The following IRAK2 variants were observed in gnomAD, a reference collection of about 807,000 sequenced individuals.
The protein encoded by IRAK2 is interleukin-1 receptor-associated kinase-like 2.
A neutral mutation model predicts 72.0 loss-of-function variants in IRAK2; 57 were observed. The observed-to-expected ratio is 0.79, with a 90% CI of 0.64 to 0.99. The LOEUF is 0.99. Among genes scored for constraint, IRAK2 ranks in the 50% least tolerant of loss-of-function variants. The pLI is 0.00. For synonymous variants in IRAK2, 293 were observed against 312.7 expected (o/e 0.94, Z 0.67); for missense variants, 790 against 794.4 (o/e 0.99, Z 0.07).
chr3:10,213,692 C>T, intron 6 of IRAK2, 144 bp downstream of exon 6: 1 of 652,986 alleles, frequency 1.5e-6, no homozygotes. Flanking sequence ...ACTATTATCA[C>T]ATTATTTTAC....
intron 1 of IRAK2, among the ~76,000 whole-genome samples, chr3:10,165,532 G>A: frequency 6.6e-6 from 1 of 152,006 alleles, no homozygotes; most frequent in Non-Finnish European, 1.5e-5. Context: ...TTTCGCTGTT[G>A]TTGCCCAGGC....
intron 11 of IRAK2, 24 bp from the exon 12 acceptor site, chr3:10,238,724 T>A: frequency 6.2e-7 from 1 of 1,605,900 alleles, no homozygotes; most frequent in Non-Finnish European, 8.5e-7. Flanking sequence ...CCTGATGAGC[T>A]CCCTTCTCTC....
chr3:10,221,248 A>ATTT (rs34742796), intron 8 of IRAK2, among the ~76,000 whole-genome samples: 986 of 89,706 alleles, frequency 0.011, 19 homozygotes, highest in African/African-American at 0.03. Flanking sequence ...AAAAAAAAAA[A>ATTT]TTTTTTTTTT....
At chr3:10,166,864 G>A (rs536145430) in intron 1 of IRAK2, among the ~76,000 whole-genome samples, 13 of 152,112 alleles carry the variant, frequency 8.5e-5, no homozygotes, top group Non-Finnish European at 1.3e-4. Flanking sequence ...GGCTGGTCTC[G>A]AACTCCTGAC....
At chr3:10,184,723 G>GTTTTTTTTTT (rs55839723) in intron 2 of IRAK2, among the ~76,000 whole-genome samples, 8 of 102,022 alleles carry the variant, frequency 7.8e-5, no homozygotes, top group South Asian at 8.1e-4. Flanking sequence ...GTTTTTGTGT[G>GTTTTTTTTTT]TTTTTTTTTT....
At chr3:10,199,221 T>G (rs1697316649) in intron 2 of IRAK2, among the ~76,000 whole-genome samples, 1 of 152,090 alleles carries the variant, frequency 6.6e-6, no homozygotes, top group Admixed American at 6.6e-5. Flanking sequence ...AGAGCAGCTC[T>G]GAGAAGCTGG....
At chr3:10,186,643 G>A (rs1365269690) in intron 2 of IRAK2, among the ~76,000 whole-genome samples, 1 of 151,614 alleles carries the variant, frequency 6.6e-6, no homozygotes, top group African/African-American at 2.4e-5. Context: ...TCAGAAAGGT[G>A]GAGCAGAGAT....
intron 2 of IRAK2, among the ~76,000 whole-genome samples, chr3:10,182,975 T>C (rs1339399463): frequency 2.0e-5 from 3 of 152,134 alleles, no homozygotes; most frequent in Non-Finnish European, 4.4e-5. Flanking sequence ...TTTCACCATG[T>C]TGGCCAGGCT....
intron 11 of IRAK2, 141 bp from the exon 12 acceptor site, chr3:10,238,607 G>A: frequency 5.2e-6 from 4 of 773,106 alleles, no homozygotes; most frequent in Non-Finnish European, 6.2e-6. Flanking sequence ...TCAAAGGAAG[G>A]GTGTGGTTTT....
intron 10 of IRAK2, among the ~76,000 whole-genome samples, chr3:10,233,970 C>G (rs1332569085): frequency 6.6e-6 from 1 of 152,030 alleles, no homozygotes; most frequent in Non-Finnish European, 1.5e-5. Context: ...TCAAGCAATT[C>G]CTCTGCCTCA....
intron 4 of IRAK2, among the ~76,000 whole-genome samples, chr3:10,209,901 A>G (rs1337103565): frequency 1.3e-5 from 2 of 151,936 alleles, no homozygotes; most frequent in Non-Finnish European, 2.9e-5. Context: ...CAGTGAATAT[A>G]CTTCTTGTTT....
chr3:10,189,051 T>C (rs1409097390), intron 2 of IRAK2, among the ~76,000 whole-genome samples: 1 of 152,216 alleles, frequency 6.6e-6, no homozygotes, highest in African/African-American at 2.4e-5. Context: ...TCATGGAGCT[T>C]ACAGTCCAGT....
At chr3:10,210,029 C>T (rs1444194275) in intron 4 of IRAK2, among the ~76,000 whole-genome samples, 1 of 152,166 alleles carries the variant, frequency 6.6e-6, no homozygotes, top group Non-Finnish European at 1.5e-5. Context: ...AAGTGATTCT[C>T]CTGCCTCAGC....
intron 10 of IRAK2, among the ~76,000 whole-genome samples, chr3:10,229,883 T>G (rs1205907907): frequency 6.6e-6 from 1 of 152,084 alleles, no homozygotes; most frequent in African/African-American, 2.4e-5. Flanking sequence ...GGTGGATCAC[T>G]TGAGTTCAGG....
intron 2 of IRAK2, among the ~76,000 whole-genome samples, chr3:10,192,249 C>T (rs776907286): frequency 2.0e-5 from 3 of 152,188 alleles, no homozygotes; most frequent in Non-Finnish European, 2.9e-5. Context: ...ATGAGTCAGC[C>T]TAAGAACAAA....
intron 4 of IRAK2, among the ~76,000 whole-genome samples, chr3:10,210,005 C>T (rs1335080001): frequency 6.6e-6 from 1 of 152,074 alleles, no homozygotes; most frequent in Non-Finnish European, 1.5e-5. Context: ...CTGCAACCTC[C>T]GCTTCCCGGG....
At chr3:10,191,409 G>A (rs1250956619) in intron 2 of IRAK2, among the ~76,000 whole-genome samples, 1 of 152,168 alleles carries the variant, frequency 6.6e-6, no homozygotes, top group East Asian at 1.9e-4. Context: ...CTCAGCTACA[G>A]GTTACCTCAG....
intron 10 of IRAK2, among the ~76,000 whole-genome samples, chr3:10,229,344 G>T (rs952787044): frequency 1.3e-5 from 2 of 152,160 alleles, no homozygotes; most frequent in African/African-American, 4.8e-5. Flanking sequence ...CGAATGCCTG[G>T]GCTCAAGCGA....
chr3:10,199,930 C>T (rs1317374895), intron 2 of IRAK2, among the ~76,000 whole-genome samples: 1 of 146,148 alleles, frequency 6.8e-6, no homozygotes, highest in Non-Finnish European at 1.5e-5. Flanking sequence ...CTCTGTCGCT[C>T]AGGCTGGAGT....
Sources: gnomAD v4.1 joint callset for allele counts (sites outside exome capture counted in the v4.1 genomes callset) on GRCh38, gnomAD v4.1.1 for gene constraint, MANE v1.5 for transcripts, NCBI Gene and HGNC (gene_info 2026-07-23, HGNC 2026-07-21) for gene names.